Variants in CMTM7 observed in about 807,000 individuals in gnomAD.
CMTM7 encodes the protein CKLF like MARVEL transmembrane domain containing 7.
Under a neutral mutation model 19.3 loss-of-function variants are expected in CMTM7, and 7 were observed. That is an observed-to-expected ratio of 0.36 (90% CI 0.21 to 0.68). The LOEUF (loss-of-function observed/expected upper bound fraction) is 0.68, where lower values mean the gene tolerates loss of function less well. CMTM7 is among the 30% of genes least tolerant of loss of function. CMTM7 has a pLI of 0.60. For synonymous variants in CMTM7, 87 were observed against 99.3 expected (o/e 0.88, Z 0.74); for missense variants, 193 against 232.6 (o/e 0.83, Z 1.11).
intron 1 of CMTM7, among the ~76,000 whole-genome samples, chr3:32,395,740 A>C (rs1053898672): frequency 1.6e-4 from 24 of 152,226 alleles, no homozygotes; most frequent in African/African-American, 5.5e-4. Context: ...AGTTTCTCAA[A>C]AGTTACCATG....
chr3:32,393,429 G>T (rs1289055162), intron 1 of CMTM7, among the ~76,000 whole-genome samples: 1 of 152,170 alleles, frequency 6.6e-6, no homozygotes, highest in Admixed American at 6.5e-5. Context: ...AGATGGGCTG[G>T]GGTGAGACAT....
At chr3:32,447,412 T>A (rs1421416300) in intron 2 of CMTM7, among the ~76,000 whole-genome samples, 1 of 152,226 alleles carries the variant, frequency 6.6e-6, no homozygotes, top group Non-Finnish European at 1.5e-5. Context: ...TTTTGCTGGA[T>A]AGAGTTTTTA....
At chr3:32,446,648 G>A (rs1004426331) in intron 2 of CMTM7, among the ~76,000 whole-genome samples, 3 of 152,172 alleles carry the variant, frequency 2.0e-5, no homozygotes, top group African/African-American at 7.2e-5. Context: ...GGCCTAGTGG[G>A]AGGTGTTTGG....
intron 1 of CMTM7, among the ~76,000 whole-genome samples, chr3:32,415,610 G>T (rs1696248756): frequency 6.6e-6 from 1 of 152,226 alleles, no homozygotes; most frequent in Admixed American, 6.5e-5. Context: ...TGAGATGGGG[G>T]TGATAATATT....
At chr3:32,404,401 TC>T (rs1445531141) in intron 1 of CMTM7, among the ~76,000 whole-genome samples, 1 of 152,082 alleles carries the variant, frequency 6.6e-6, no homozygotes, top group Non-Finnish European at 1.5e-5. Flanking sequence ...CCTCAAGTAA[TC>T]CCCCCTCCTT....
At chr3:32,406,478 G>C (rs1696093264) in intron 1 of CMTM7, among the ~76,000 whole-genome samples, 1 of 152,140 alleles carries the variant, frequency 6.6e-6, no homozygotes, top group Non-Finnish European at 1.5e-5. Flanking sequence ...GGCTTTAGGG[G>C]TCTTCCATGT....
At chr3:32,428,192 C>T (rs1696461296) in intron 1 of CMTM7, among the ~76,000 whole-genome samples, 1 of 152,136 alleles carries the variant, frequency 6.6e-6, no homozygotes, top group Non-Finnish European at 1.5e-5. Context: ...TGAGGAAGGC[C>T]CACCAGCTCT....
chr3:32,405,121 G>A (rs1696070950), intron 1 of CMTM7, among the ~76,000 whole-genome samples: 1 of 152,222 alleles, frequency 6.6e-6, no homozygotes, highest in Admixed American at 6.5e-5. Context: ...GCCACTAACA[G>A]CCATGTGAGC....
intron 1 of CMTM7, among the ~76,000 whole-genome samples, 180 bp downstream of exon 1, chr3:32,392,245 G>GCCCCCGCGCTGGAGCTCAGT (rs145185011): frequency 0.13 from 20,038 of 151,942 alleles, 1,406 homozygotes; most frequent in East Asian, 0.21. Flanking sequence ...TGCTGCCGCA[G>GCCCCCGCGCTGGAGCTCAGT]CCCCCGCGCT....
intron 1 of CMTM7, among the ~76,000 whole-genome samples, chr3:32,424,654 G>A (rs577191486): frequency 1.5e-4 from 21 of 144,636 alleles, no homozygotes; most frequent in Admixed American, 5.5e-4. Context: ...TTTTTTTTGC[G>A]GCTGGGGGGA....
At chr3:32,417,149 A>G (rs1341120928) in intron 1 of CMTM7, among the ~76,000 whole-genome samples, 1 of 152,236 alleles carries the variant, frequency 6.6e-6, no homozygotes, top group Non-Finnish European at 1.5e-5. Flanking sequence ...ACAAATGCAT[A>G]GAGTTATAGA....
chr3:32,433,371 T>C (rs953502969), intron 1 of CMTM7, among the ~76,000 whole-genome samples: 1 of 152,176 alleles, frequency 6.6e-6, no homozygotes, highest in Non-Finnish European at 1.5e-5. Context: ...GAGAAATCGG[T>C]TGGGGATGAA....
intron 1 of CMTM7, among the ~76,000 whole-genome samples, chr3:32,433,992 A>G (rs1367516479): frequency 6.6e-6 from 1 of 152,086 alleles, no homozygotes; most frequent in East Asian, 1.9e-4. Flanking sequence ...GTTTGAGATC[A>G]GCCTGGCCAA....
chr3:32,420,103 T>C (rs1287140585), intron 1 of CMTM7, among the ~76,000 whole-genome samples: 1 of 152,260 alleles, frequency 6.6e-6, no homozygotes, highest in Non-Finnish European at 1.5e-5. Flanking sequence ...GCTGGGTCCC[T>C]GTTGTCACCT....
rs2125614591 is a variant in CMTM7 at position 32,392,022 on chromosome 3, G to A, written c.116G>A (p.Ser39Asn). The change falls in exon 1 of 5, where the codon AGC becomes AAC. Residue 39 changes from serine (S) to asparagine (N), a missense_variant. Transcript: ENST00000334983. ...CCCTTGGAGGGGCTGCTGGACCTCA[G>A]CTACCCCCGCACCCACGCGGCCCTG... ...ASPLEGLLDLSYPRTHAALLK... is the reference protein window; with the variant it reads ...ASPLEGLLDLNYPRTHAALLK... 8.1e-7 allele frequency: 1 copy of A among 1,235,224 alleles called. No homozygotes were observed. The highest frequency in any genetic ancestry group is 3.2e-5 in the East Asian group (1 of 31,622). 76.5% of individuals were successfully genotyped at this position (1,235,224 alleles called of 1,614,324 possible). A position where few individuals can be genotyped will look rare whatever the true frequency, so the allele number is the denominator to read the frequency against.
chr3:32,405,865 A>G (rs577291850), intron 1 of CMTM7, among the ~76,000 whole-genome samples: 1 of 152,360 alleles, frequency 6.6e-6, no homozygotes, highest in South Asian at 2.1e-4. Flanking sequence ...GTCCAAAGCA[A>G]AATCCTGATG....
At chr3:32,438,721 T>A (rs555665862) in intron 1 of CMTM7, among the ~76,000 whole-genome samples, 36 of 152,154 alleles carry the variant, frequency 2.4e-4, no homozygotes, top group Non-Finnish European at 4.7e-4. Context: ...CCCAGAAAGG[T>A]TCGAGATGTT....
intron 1 of CMTM7, among the ~76,000 whole-genome samples, chr3:32,410,129 T>C (rs1323259738): frequency 6.6e-6 from 1 of 152,178 alleles, no homozygotes; most frequent in Admixed American, 6.5e-5. Flanking sequence ...GCCCCTCAGC[T>C]AAAGTAGTCC....
intron 1 of CMTM7, among the ~76,000 whole-genome samples, chr3:32,402,035 C>T (rs936933394): frequency 1.3e-5 from 2 of 152,336 alleles, no homozygotes; most frequent in South Asian, 2.1e-4. Context: ...CAGTCACTCT[C>T]CTCCCTCTGC....
Sources: gnomAD v4.1 joint callset for allele counts (sites outside exome capture counted in the v4.1 genomes callset) on GRCh38, gnomAD v4.1.1 for gene constraint, MANE v1.5 for transcripts, NCBI Gene and HGNC (gene_info 2026-07-23, HGNC 2026-07-21) for gene names.